RAC1: variants seen among roughly 807,000 people sequenced by gnomAD.
RAC1 encodes Rac family small GTPase 1, also known as ras-related C3 botulinum toxin substrate 1.
In RAC1, 2 loss-of-function variants were observed where a neutral mutation model predicts 25.2. The observed-to-expected ratio is 0.08, with a 90% CI of 0.03 to 0.25. The LOEUF (loss-of-function observed/expected upper bound fraction) is 0.25. Ranked by LOEUF, RAC1 falls within the 10% of genes least tolerant of loss-of-function variation. The pLI, the probability that RAC1 is intolerant of heterozygous loss-of-function variation, is 1.00. For synonymous variants in RAC1, 88 were observed against 94.0 expected (o/e 0.94, Z 0.37); for missense variants, 50 against 235.7 (o/e 0.21, Z 5.16).
chr7:6,398,419 C>G (rs754203417), intron 3 of RAC1, among the ~76,000 whole-genome samples: 31 of 152,182 alleles, frequency 2.0e-4, no homozygotes, highest in Non-Finnish European at 4.0e-4. Flanking sequence ...GTTGTTGCCC[C>G]CCCTCAGGAT....
At chr7:6,383,254 A>G (rs1782824439) in intron 1 of RAC1, among the ~76,000 whole-genome samples, 1 of 152,236 alleles carries the variant, frequency 6.6e-6, no homozygotes, top group Non-Finnish European at 1.5e-5. Context: ...TGCCCAGTGC[A>G]GATGTTGACT....
intron 2 of RAC1, among the ~76,000 whole-genome samples, chr7:6,387,695 A>C (rs879394528): frequency 4.6e-5 from 7 of 151,994 alleles, no homozygotes; most frequent in Non-Finnish European, 1.0e-4. Context: ...ACTGCACTCC[A>C]GCCTGGGCAA....
At chr7:6,395,213 G>T (rs959501942) in intron 3 of RAC1, among the ~76,000 whole-genome samples, 3 of 152,162 alleles carry the variant, frequency 2.0e-5, no homozygotes, top group Non-Finnish European at 4.4e-5. Context: ...TGATCCGCCT[G>T]CCTCTGCCTC....
At chr7:6,382,310 CA>C (rs1410979988) in intron 1 of RAC1, among the ~76,000 whole-genome samples, 3 of 152,172 alleles carry the variant, frequency 2.0e-5, no homozygotes, top group Non-Finnish European at 2.9e-5. Flanking sequence ...CACTTTTAGA[CA>C]GCAATATATG....
intron 3 of RAC1, among the ~76,000 whole-genome samples, chr7:6,396,823 G>A (rs1783249562): frequency 6.6e-6 from 1 of 152,140 alleles, no homozygotes; most frequent in Non-Finnish European, 1.5e-5. Flanking sequence ...GAGGTCAGGA[G>A]ATCGAGACCA....
intron 2 of RAC1, among the ~76,000 whole-genome samples, chr7:6,387,671 G>C (rs977031045): frequency 3.3e-5 from 5 of 151,940 alleles, no homozygotes; most frequent in Non-Finnish European, 7.4e-5. Context: ...GTTGCAGTGA[G>C]CCAAGATCAC....
chr7:6,375,092 C>T (rs1028208251), intron 1 of RAC1, among the ~76,000 whole-genome samples: 1 of 151,972 alleles, frequency 6.6e-6, no homozygotes, highest in Non-Finnish European at 1.5e-5. Flanking sequence ...AGCAAGCGCT[C>T]TTGGAGATTT....
intron 1 of RAC1, 71 bp from the exon 2 acceptor site, chr7:6,387,141 T>C: frequency 5.9e-6 from 6 of 1,010,166 alleles, no homozygotes; most frequent in Non-Finnish European, 9.0e-6. Flanking sequence ...CTAGAAATTA[T>C]TTTAACTTAA....
At chr7:6,374,801 C>T (rs1782531514) in intron 1 of RAC1, 31 bp downstream of exon 1, 1 of 1,109,254 alleles carries the variant, frequency 9.0e-7, no homozygotes, top group Non-Finnish European at 1.1e-6. Flanking sequence ...GGGCTGGAGG[C>T]CGCGGGATCG....
intron 1 of RAC1, among the ~76,000 whole-genome samples, chr7:6,381,199 G>A (rs1232889413): frequency 6.6e-6 from 1 of 152,126 alleles, no homozygotes; most frequent in Non-Finnish European, 1.5e-5. Context: ...ACTGTGTGCA[G>A]TTACATATAA....
intron 1 of RAC1, among the ~76,000 whole-genome samples, chr7:6,382,404 G>A (rs1194508717): frequency 6.6e-6 from 1 of 152,180 alleles, no homozygotes; most frequent in Non-Finnish European, 1.5e-5. Flanking sequence ...TTTAAAAGAA[G>A]GCAGTGCAGA....
intron 3 of RAC1, among the ~76,000 whole-genome samples, chr7:6,399,653 G>A (rs1391946083): frequency 3.3e-5 from 5 of 152,204 alleles, no homozygotes; most frequent in Non-Finnish European, 7.3e-5. Context: ...TGGAGGGAAG[G>A]GCTCAAGTAG....
chr7:6,386,329 G>T (rs1022033169), intron 1 of RAC1, among the ~76,000 whole-genome samples: 3 of 152,100 alleles, frequency 2.0e-5, no homozygotes, highest in Non-Finnish European at 4.4e-5. Context: ...AGTTACGTGT[G>T]GTAGTTTATT....
intron 3 of RAC1, among the ~76,000 whole-genome samples, chr7:6,394,576 G>A (rs1481103942): frequency 6.6e-6 from 1 of 152,184 alleles, no homozygotes; most frequent in Non-Finnish European, 1.5e-5. Context: ...GACTCAGGCT[G>A]TGCAGCGGGT....
At chr7:6,377,555 A>G (rs1782643486) in intron 1 of RAC1, among the ~76,000 whole-genome samples, 1 of 152,184 alleles carries the variant, frequency 6.6e-6, no homozygotes. Context: ...AGATTGTGCC[A>G]TTGCACTCCA....
chr7:6,388,634 G>A (rs1782994497), intron 2 of RAC1, among the ~76,000 whole-genome samples: 1 of 151,856 alleles, frequency 6.6e-6, no homozygotes, highest in Admixed American at 6.6e-5. Context: ...GTGAGCCACG[G>A]CACCCATTTT....
chr7:6,388,064 A>T (rs1782971784), intron 2 of RAC1, among the ~76,000 whole-genome samples: 1 of 152,054 alleles, frequency 6.6e-6, no homozygotes, highest in African/African-American at 2.4e-5. Flanking sequence ...TGTGTGTTGA[A>T]GGGGGAATGG....
At chr7:6,381,629 A>G (rs894911713) in intron 1 of RAC1, among the ~76,000 whole-genome samples, 1 of 152,160 alleles carries the variant, frequency 6.6e-6, no homozygotes, top group African/African-American at 2.4e-5. Context: ...TCCTAAGGTC[A>G]GACAGTCCGC....
chr7:6,378,991 G>A (rs1782686368), intron 1 of RAC1, among the ~76,000 whole-genome samples: 1 of 152,044 alleles, frequency 6.6e-6, no homozygotes, highest in Non-Finnish European at 1.5e-5. Context: ...TCGGGAGGCT[G>A]AGGCAGGGGA....
Sources: allele counts gnomAD v4.1 joint callset (sites outside exome capture counted in the v4.1 genomes callset), GRCh38; gene constraint gnomAD v4.1.1; transcripts MANE v1.5; gene names NCBI Gene and HGNC (gene_info 2026-07-23, HGNC 2026-07-21).